ABCA10: variants seen among roughly 807,000 people sequenced by gnomAD.
ABCA10 encodes ATP binding cassette subfamily A member 10.
A neutral mutation model predicts 187.5 loss-of-function variants in ABCA10; 169 were observed. The ratio of observed to expected loss-of-function variants is 0.90; its 90% CI spans 0.80 to 1.02. The LOEUF (loss-of-function observed/expected upper bound fraction) is 1.02, where lower values mean the gene tolerates loss of function less well. Among genes scored for constraint, ABCA10 ranks in the 50% least tolerant of loss-of-function variants. The probability of loss-of-function intolerance (pLI) is 0.00; values close to 1 mark genes in which losing one functional copy is unlikely to be tolerated. For synonymous variants in ABCA10, 574 were observed against 601.8 expected, an observed-to-expected ratio of 0.95 and a Z score of 0.68; for missense variants, 1,727 against 1,812.4, an observed-to-expected ratio of 0.95 and a Z score of 0.86.
In ABCA10 at chr17:69,215,980, C is replaced by T. The variant is rs1319795239; in HGVS notation, c.693G>A (p.Met231Ile). The part of the protein sequence containing the change: ...GLSLIALAFL[M>I]SVLIRKPMLA... ...GCATAGGTTTCCTTATTAAAACACT[C>T]ATGAGGAAAGCCAATGCTATCTGAA... Residue 231 changes from methionine to isoleucine, a missense_variant, in exon 8 of 39, where the codon ATG becomes ATA. Transcript: ENST00000690296. The T allele has an allele frequency of 6.2e-7, 1 of 1,612,542 alleles. No individual in the cohort carries two copies. Among genetic ancestry groups the T allele is most frequent in the East Asian group, 2.2e-5 (1 of 44,856 alleles).
intron 1 of ABCA10, among the ~76,000 whole-genome samples, chr17:69,241,609 C>T (rs997639): frequency 0.16 from 24,600 of 152,180 alleles, 2,189 homozygotes; most frequent in African/African-American, 0.23. Flanking sequence ...CACACCTTGC[C>T]TCAGGGCCTT....
intron 9 of ABCA10, among the ~76,000 whole-genome samples, chr17:69,209,718 G>GA (rs11373991): frequency 0.66 from 100,976 of 151,950 alleles, 34,196 homozygotes; most frequent in African/African-American, 0.74. Flanking sequence ...TACCTTCTGA[G>GA]AATGTGTCAT....
At chr17:69,160,489 C>CCCAG (rs1281522405) in intron 27 of ABCA10, among the ~76,000 whole-genome samples, 2 of 152,026 alleles carry the variant, frequency 1.3e-5, no homozygotes, top group African/African-American at 4.8e-5. Context: ...CACCCATAGT[C>CCCAG]CCAGCTATTC....
At chr17:69,242,775 C>T (rs533081093) in intron 1 of ABCA10, among the ~76,000 whole-genome samples, 11 of 152,210 alleles carry the variant, frequency 7.2e-5, no homozygotes, top group Admixed American at 6.5e-5. Context: ...TAATTAAGCA[C>T]GTTATACTAT....
intron 3 of ABCA10, among the ~76,000 whole-genome samples, chr17:69,223,387 G>A (rs975061334): frequency 6.6e-6 from 1 of 152,130 alleles, no homozygotes; most frequent in Non-Finnish European, 1.5e-5. Flanking sequence ...CACTCTCTAA[G>A]AATTAAGTGT....
intron 1 of ABCA10, among the ~76,000 whole-genome samples, chr17:69,242,504 G>T (rs577727301): frequency 6.6e-6 from 1 of 152,060 alleles, no homozygotes; most frequent in Admixed American, 6.5e-5. Context: ...TCGCTCTGCC[G>T]CCCAGGCTGG....
chr17:69,164,616 T>C (rs2074242088), intron 26 of ABCA10, among the ~76,000 whole-genome samples: 1 of 152,140 alleles, frequency 6.6e-6, no homozygotes, highest in South Asian at 2.1e-4. Flanking sequence ...AACATTGAAA[T>C]GAAAAACTTC....
At chr17:69,189,249 G>A (rs1031164593) in intron 18 of ABCA10, among the ~76,000 whole-genome samples, 5 of 151,990 alleles carry the variant, frequency 3.3e-5, no homozygotes, top group South Asian at 2.1e-4. Context: ...ATGGTATCTC[G>A]TGGTTTTGAT....
intron 18 of ABCA10, 130 bp from the exon 19 acceptor site, chr17:69,188,009 A>G: frequency 1.3e-6 from 1 of 776,000 alleles, no homozygotes; most frequent in East Asian, 2.7e-5. Context: ...TCCATAATCA[A>G]AATTTACGTT....
At chr17:69,197,332 T>C (rs1027416716) in intron 10 of ABCA10, among the ~76,000 whole-genome samples, 2 of 151,824 alleles carry the variant, frequency 1.3e-5, no homozygotes, top group African/African-American at 4.8e-5. Context: ...GCATTTCATA[T>C]ATTCCAGCTA....
Position 69,151,288 on chromosome 17 carries a change from C to T in ABCA10, c.4397+755G>A, listed in dbSNP as rs542483143. Among the ~76,000 whole-genome samples, 3 of 152,282 alleles carry T rather than the reference C, an allele frequency of 2.0e-5. No homozygotes were observed. In the East Asian group the frequency reaches 5.8e-4, roughly 29 times the overall value. ...ACTCTTCAGCTGACCAAACCCTGCTCAGTCTTAAAGTCCTACCTCAATGTC... is the reference window on the plus strand; with the variant it reads ...ACTCTTCAGCTGACCAAACCCTGCTTAGTCTTAAAGTCCTACCTCAATGTC... On this transcript the variant is annotated intron_variant, in intron 36 of 38. Coordinates refer to ENST00000690296, the MANE Select transcript of ABCA10 (RefSeq NM_001377321.1).
chr17:69,235,387 A>G (rs1025405242), intron 1 of ABCA10, among the ~76,000 whole-genome samples: 2 of 152,128 alleles, frequency 1.3e-5, no homozygotes, highest in Non-Finnish European at 2.9e-5. Flanking sequence ...TGCCTTCTTT[A>G]AGTTTGTTGA....
rs150586358 is a variant in ABCA10, at chr17:69,163,917, T to C, written c.3363+157A>G. Among the ~76,000 whole-genome samples, 801 of 152,298 alleles carry C rather than the reference T, an allele frequency of 5.3e-3. 7 individuals are homozygous for C. Among genetic ancestry groups the C allele is most frequent in the African/African-American group, 0.018 (764 of 41,570 alleles). ...TATTATATTATCTGTGAATCTATTT[T>C]AAAAATATCTTTAGTTCTTGCTGCC... On this transcript the variant is annotated intron_variant, in intron 27 of 38. Transcript: ENST00000690296.
At chr17:69,210,478 C>G (rs749219198) in intron 9 of ABCA10, among the ~76,000 whole-genome samples, 1 of 151,632 alleles carries the variant, frequency 6.6e-6, no homozygotes, top group Non-Finnish European at 1.5e-5. Flanking sequence ...CGTGAGCCAC[C>G]GCGCCCGGCC....
At position 69,182,182 on chromosome 17, in the gene ABCA10, T is replaced by C. The variant is rs746348368; in HGVS notation, c.2740A>G (p.Ile914Val). Residue 914 changes from isoleucine to valine, a missense_variant, in exon 22 of 39, where the codon ATT becomes GTT. Coordinates refer to ENST00000690296, the MANE Select transcript of ABCA10 (RefSeq NM_001377321.1). The stretch of plus-strand genomic sequence containing the variant: ...GAAAATGAAGTGCTCTCCATTTGAA[T>C]AAGCTCCGTGAAGTTAAAAATTCCC... ...LMGIFNFTEL[I>V]QMESTSFSRD... The C allele has an allele frequency of 2.5e-6, 4 of 1,589,656 alleles. No individual in the cohort carries two copies. In the South Asian group the frequency reaches 3.5e-5, roughly 14 times the overall value.
At chr17:69,214,991 T>C (rs2074693124) in intron 8 of ABCA10, 140 bp from the exon 9 acceptor site, 2 of 537,488 alleles carry the variant, frequency 3.7e-6, no homozygotes, top group Non-Finnish European at 2.9e-6. Flanking sequence ...AAATGTGCTA[T>C]TAGTATTGTT....
rs143163361 is a variant in ABCA10, at chr17:69,207,887, C to T, written c.1007-6219G>A. Among the ~76,000 whole-genome samples, 383 of 152,122 alleles carry T rather than the reference C, an allele frequency of 2.5e-3. 3 individuals are homozygous for T. The highest frequency in any genetic ancestry group is 8.8e-3 in the African/African-American group (364 of 41,508). Reference sequence around the variant, plus strand: ...ACATGTTGACTACAGCTAATAACAACGTATTTTGAAAATTGCTAAGAGAGT... The same window carrying T: ...ACATGTTGACTACAGCTAATAACAATGTATTTTGAAAATTGCTAAGAGAGT... On this transcript the variant is annotated intron_variant, in intron 9 of 38. Transcript: ENST00000690296.
At chr17:69,222,844 A>T (rs2074761160) in intron 3 of ABCA10, 147 bp from the exon 4 acceptor site, 1 of 677,196 alleles carries the variant, frequency 1.5e-6, no homozygotes. Flanking sequence ...AGGCTGAGTG[A>T]AACTATTGTT....
chr17:69,176,769 A>G (rs2074338221), intron 22 of ABCA10, among the ~76,000 whole-genome samples: 1 of 152,202 alleles, frequency 6.6e-6, no homozygotes, highest in Non-Finnish European at 1.5e-5. Flanking sequence ...ACAGTGTGCA[A>G]TTTAAAACTG....
Sources: gnomAD v4.1 joint callset for allele counts (sites outside exome capture counted in the v4.1 genomes callset) on GRCh38, gnomAD v4.1.1 for gene constraint, MANE v1.5 for transcripts, NCBI Gene and HGNC (gene_info 2026-07-23, HGNC 2026-07-21) for gene names.